AATF: variants seen among roughly 807,000 people sequenced by gnomAD.
AATF encodes the protein protein AATF.
In AATF, 48 loss-of-function variants were observed where a neutral mutation model predicts 63.7. The ratio of observed to expected loss-of-function variants is 0.75; its 90% CI spans 0.60 to 0.96. AATF has a LOEUF of 0.96. AATF is among the 40% of genes least tolerant of loss of function. The pLI, the probability that AATF is intolerant of heterozygous loss-of-function variation, is 0.00. For synonymous variants in AATF, 258 were observed against 247.7 expected (o/e 1.04, Z -0.39); for missense variants, 639 against 685.7 (o/e 0.93, Z 0.76).
chr17:37,031,690 G>C lies in AATF; in HGVS notation c.1619+5G>C. 6.2e-7 allele frequency: 1 copy of C among 1,611,646 alleles called. No individual in the cohort carries two copies. Among genetic ancestry groups the C allele is most frequent in the Non-Finnish European group, 8.5e-7 (1 of 1,177,700 alleles). On this transcript the variant is annotated splice_donor_5th_base_variant and intron_variant, in intron 11 of 11. Transcript: ENST00000619387. The stretch of plus-strand genomic sequence containing the variant: ...TACAATGAATGATGATGCCAGGTGA[G>C]TAATAGATTAATTATGTGTCTCAAA...
Position 36,975,482 on chromosome 17 carries a change from A to T in AATF, c.833-11135A>T, listed in dbSNP as rs191818325. Among the ~76,000 whole-genome samples, 25 of 152,334 alleles carry T rather than the reference A, an allele frequency of 1.6e-4. 1 individual carries two copies. Among genetic ancestry groups the T allele is most frequent in the African/African-American group, 5.8e-4 (24 of 41,582 alleles). On this transcript the variant is annotated intron_variant, in intron 4 of 11. Transcript: ENST00000619387. ...CAAAAAGTTTTTTATAGTTTGGTTT[A>T]CTTAAGCCAAGTTCCATTTTATACT...
intron 11 of AATF, among the ~76,000 whole-genome samples, chr17:37,034,489 C>T (rs981082658): frequency 6.6e-6 from 1 of 152,042 alleles, no homozygotes; most frequent in African/African-American, 2.4e-5. Context: ...CTGCATGCTA[C>T]TTTTCCTCAA....
At chr17:36,978,332 G>A (rs79535598) in intron 4 of AATF, among the ~76,000 whole-genome samples, 17,586 of 151,988 alleles carry the variant, frequency 0.12, 1,286 homozygotes, top group Non-Finnish European at 0.16. Flanking sequence ...TGAGTTGAAC[G>A]TTTCTCACAA....
intron 8 of AATF, among the ~76,000 whole-genome samples, chr17:37,011,568 T>TG (rs1418535384): frequency 6.6e-6 from 1 of 152,126 alleles, no homozygotes; most frequent in Non-Finnish European, 1.5e-5. Context: ...AGGAAGTTCT[T>TG]GGGGGAAACC....
chr17:37,011,346 G>A (rs1018177894), intron 8 of AATF, among the ~76,000 whole-genome samples: 3 of 152,188 alleles, frequency 2.0e-5, no homozygotes, highest in Admixed American at 2.0e-4. Context: ...CGGCACTCCA[G>A]CCTGGGCGAC....
chr17:37,028,831 T>A (rs2071530329), intron 10 of AATF, among the ~76,000 whole-genome samples: 1 of 152,146 alleles, frequency 6.6e-6, no homozygotes, highest in African/African-American at 2.4e-5. Context: ...GCAATGTATG[T>A]GTTCAAAAAT....
chr17:36,967,209 T>A (rs899104118), intron 4 of AATF, among the ~76,000 whole-genome samples: 1 of 152,154 alleles, frequency 6.6e-6, no homozygotes, highest in African/African-American at 2.4e-5. Flanking sequence ...GCATACTTTC[T>A]GGTTATGTTA....
At chr17:36,962,314 G>A (rs547720175) in intron 4 of AATF, among the ~76,000 whole-genome samples, 301 of 152,308 alleles carry the variant, frequency 2.0e-3, no homozygotes, top group African/African-American at 6.6e-3. Context: ...TTTATATAAT[G>A]TAGAGAGTAA....
At chr17:37,013,840 T>G (rs1044383988) in intron 8 of AATF, among the ~76,000 whole-genome samples, 2 of 152,202 alleles carry the variant, frequency 1.3e-5, no homozygotes, top group Admixed American at 1.3e-4. Flanking sequence ...GTTTTCTGTG[T>G]AACTATTGCT....
At chr17:37,001,039 CT>C (rs1459261625) in intron 8 of AATF, among the ~76,000 whole-genome samples, 1 of 151,956 alleles carries the variant, frequency 6.6e-6, no homozygotes, top group East Asian at 1.9e-4. Flanking sequence ...AAATTACAGG[CT>C]GTGCACAGTG....
At chr17:36,960,697 T>C (rs567761964) in intron 4 of AATF, among the ~76,000 whole-genome samples, 36 of 152,316 alleles carry the variant, frequency 2.4e-4, no homozygotes, top group African/African-American at 8.7e-4. Context: ...AACCTTGAAA[T>C]ATTTTTAATT....
At chr17:37,025,327 G>A (rs1327452580) in intron 10 of AATF, among the ~76,000 whole-genome samples, 1 of 152,142 alleles carries the variant, frequency 6.6e-6, no homozygotes, top group Non-Finnish European at 1.5e-5. Context: ...GGAGGATGTG[G>A]GTATTTATTA....
chr17:36,982,228 G>GTTTTT (rs2071131235), intron 4 of AATF, among the ~76,000 whole-genome samples: 1 of 113,590 alleles, frequency 8.8e-6, no homozygotes, highest in Non-Finnish European at 1.8e-5. Flanking sequence ...TTTGTTTTTT[G>GTTTTT]TTTTGTTTTT....
intron 8 of AATF, among the ~76,000 whole-genome samples, chr17:37,012,349 G>A (rs948359710): frequency 1.3e-5 from 2 of 152,130 alleles, no homozygotes; most frequent in South Asian, 2.1e-4. Context: ...CACCACACCC[G>A]GCCCTTTTGG....
intron 4 of AATF, among the ~76,000 whole-genome samples, chr17:36,970,727 A>C (rs1035894153): frequency 6.6e-6 from 1 of 151,578 alleles, no homozygotes; most frequent in Non-Finnish European, 1.5e-5. Context: ...TTTTTCTTAG[A>C]GATGAGGTCT....
intron 4 of AATF, among the ~76,000 whole-genome samples, chr17:36,960,247 C>T (rs1481863197): frequency 6.6e-6 from 1 of 152,152 alleles, no homozygotes; most frequent in Non-Finnish European, 1.5e-5. Context: ...CTCCTGACCT[C>T]AAGATCCACC....
At chr17:36,960,776 T>C (rs2142211844) in intron 4 of AATF, among the ~76,000 whole-genome samples, 1 of 152,336 alleles carries the variant, frequency 6.6e-6, no homozygotes, top group Admixed American at 6.5e-5. Context: ...TAACATTGTG[T>C]AGGCTTAAGG....
intron 8 of AATF, among the ~76,000 whole-genome samples, chr17:37,000,610 G>A (rs1198233727): frequency 2.6e-5 from 4 of 152,090 alleles, no homozygotes; most frequent in African/African-American, 7.2e-5. Flanking sequence ...CAGGCTGAAG[G>A]TATAAATTTG....
chr17:37,024,031 A>G (rs1597729800), intron 10 of AATF, among the ~76,000 whole-genome samples: 1 of 152,050 alleles, frequency 6.6e-6, no homozygotes, highest in East Asian at 1.9e-4. Context: ...GAATAATAAG[A>G]AAAAAAATTG....
Sources: allele counts gnomAD v4.1 joint callset (sites outside exome capture counted in the v4.1 genomes callset), GRCh38; gene constraint gnomAD v4.1.1; transcripts MANE v1.5; gene names NCBI Gene and HGNC (gene_info 2026-07-23, HGNC 2026-07-21).